The following RPH3A variants were observed in gnomAD, a reference collection of about 807,000 sequenced individuals.
RPH3A encodes rabphilin 3A.
Under a neutral mutation model 102.2 loss-of-function variants are expected in RPH3A, and 48 were observed. The ratio of observed to expected loss-of-function variants is 0.47; its 90% confidence interval spans 0.37 to 0.60. RPH3A has a LOEUF of 0.60. RPH3A is among the 20% of genes least tolerant of loss of function. The probability of loss-of-function intolerance (pLI) is 0.00; values close to 1 mark genes in which losing one functional copy is unlikely to be tolerated. For synonymous variants in RPH3A, 310 were observed against 324.3 expected, an observed-to-expected ratio of 0.96 and a Z score of 0.47; for missense variants, 781 against 910.1, an observed-to-expected ratio of 0.86 and a Z score of 1.83.
intron 1 of RPH3A, among the ~76,000 whole-genome samples, chr12:112,770,835 G>A (rs1047688862): frequency 1.3e-5 from 2 of 152,244 alleles, no homozygotes; most frequent in East Asian, 3.8e-4. Flanking sequence ...CAACGGTAGT[G>A]TGGTGGTATG....
intron 1 of RPH3A, among the ~76,000 whole-genome samples, chr12:112,687,722 G>A (rs542638327): frequency 5.9e-5 from 9 of 152,166 alleles, no homozygotes; most frequent in Admixed American, 3.9e-4. Context: ...AACATGTGGG[G>A]GTGTTCTTTG....
chr12:112,769,702 G>C (rs2040915001), intron 1 of RPH3A, among the ~76,000 whole-genome samples: 1 of 152,206 alleles, frequency 6.6e-6, no homozygotes, highest in Non-Finnish European at 1.5e-5. Context: ...CTAGACTTTA[G>C]ATTCTAAAAA....
chr12:112,611,638 G>T (rs183384526), intron 1 of RPH3A, among the ~76,000 whole-genome samples: 1 of 152,100 alleles, frequency 6.6e-6, no homozygotes. Flanking sequence ...TGGGAGGGGG[G>T]GTTCACCATG....
At chr12:112,658,099 G>A (rs1266145274) in intron 1 of RPH3A, among the ~76,000 whole-genome samples, 1 of 152,048 alleles carries the variant, frequency 6.6e-6, no homozygotes, top group Non-Finnish European at 1.5e-5. Context: ...TGTGAAGTAG[G>A]GCATCTCTGG....
chr12:112,657,255 T>C (rs2040019476), intron 1 of RPH3A, among the ~76,000 whole-genome samples: 1 of 152,334 alleles, frequency 6.6e-6, no homozygotes, highest in African/African-American at 2.4e-5. Flanking sequence ...GAGAAATGTC[T>C]GTTTATATTC....
chr12:112,655,563 C>CTTGTTT (rs2040005156), intron 1 of RPH3A, among the ~76,000 whole-genome samples: 1 of 55,570 alleles, frequency 1.8e-5, no homozygotes, highest in Non-Finnish European at 3.3e-5. Context: ...TTTTGTTGGT[C>CTTGTTT]TTTTTTTTTT....
chr12:112,688,801 C>T (rs1186147202), intron 1 of RPH3A, among the ~76,000 whole-genome samples: 1 of 152,168 alleles, frequency 6.6e-6, no homozygotes, highest in Non-Finnish European at 1.5e-5. Context: ...TTAAAATCAG[C>T]ACAACTCTTA....
intron 5 of RPH3A, among the ~76,000 whole-genome samples, chr12:112,849,470 G>A (rs910984044): frequency 4.0e-5 from 6 of 151,854 alleles, no homozygotes; most frequent in East Asian, 1.9e-4. Flanking sequence ...TTTATACAAC[G>A]ATGGGCCTCA....
At chr12:112,881,325 A>G (rs2042905436) in intron 14 of RPH3A, among the ~76,000 whole-genome samples, 1 of 152,332 alleles carries the variant, frequency 6.6e-6, no homozygotes, top group Admixed American at 6.5e-5. Context: ...GGTCAGGGCC[A>G]GAATGCAGGA....
chr12:112,713,023 CTCT>C lies in RPH3A; in HGVS notation c.-139-79095_-139-79093del, dbSNP rs59958503. On this transcript the variant is annotated intron_variant, in intron 1 of 21. Coordinates refer to the RPH3A transcript ENST00000543106. ...CCTCTTCCTCTTCCTCTTCCTCTTC[CTCT>C]TCTTCTTCTTCTTCTTCTTCTTCTC... Among the ~76,000 whole-genome samples, 24 of 52,794 alleles carry C rather than the reference CTCT, an allele frequency of 4.5e-4. 1 individual carries two copies. Among genetic ancestry groups the C allele is most frequent in the South Asian group, 1.0e-3 (1 of 1,004 alleles). 34.6% of individuals were successfully genotyped at this position (52,794 alleles called of 152,430 possible).
intron 1 of RPH3A, among the ~76,000 whole-genome samples, chr12:112,576,332 C>A (rs2039358876): frequency 6.6e-6 from 1 of 152,222 alleles, no homozygotes; most frequent in African/African-American, 2.4e-5. Context: ...AATTTCTTGT[C>A]TCAGCCTCCT....
chr12:112,829,333 G>T (rs2136154950), intron 3 of RPH3A, among the ~76,000 whole-genome samples: 1 of 150,894 alleles, frequency 6.6e-6, no homozygotes, highest in African/African-American at 2.5e-5. Context: ...AAGCGTACTG[G>T]TGCAATCATA....
At chr12:112,581,361 A>G (rs921134527) in intron 1 of RPH3A, among the ~76,000 whole-genome samples, 5 of 152,168 alleles carry the variant, frequency 3.3e-5, no homozygotes, top group African/African-American at 1.2e-4. Context: ...TGAGAAAAAC[A>G]TGGGAAAGAC....
chr12:112,678,289 GAAAGAA>G lies in RPH3A; in HGVS notation c.-140+102972_-140+102977del, dbSNP rs1402843325. 7.9e-4 allele frequency among the ~76,000 whole-genome samples: 67 copies of G among 84,692 alleles called. 3 individuals carry two copies. The highest frequency in any genetic ancestry group is 5.4e-3 in the Middle Eastern group (1 of 184). The allele number at this position is 84,692 out of a possible 152,430, so 55.6% of individuals were successfully genotyped here. ...AGAAAGAAAGAAAGAAAGAAAGAAA[GAAAGAA>G]AGAAAGAAAGAGAGAGAGAGAGAAA... On this transcript the variant is annotated intron_variant, in intron 1 of 21. Transcript: ENST00000543106.
rs560952269 is a variant in RPH3A, at chr12:112,844,801, C to G, written c.84-2895C>G. Among the ~76,000 whole-genome samples, 28 of 152,300 alleles carry G rather than the reference C, an allele frequency of 1.8e-4. No individual in the cohort carries two copies. In the South Asian group the frequency reaches 5.8e-3, roughly 32 times the overall value. ...AACCATTGATTATTCCTCACAATTT[C>G]TGTGAGTAGGAATAGGAGGGTGGCT... On this transcript the variant is annotated intron_variant, in intron 4 of 21. Transcript: ENST00000389385.
At chr12:112,820,364 AC>A (rs2041756249) in intron 2 of RPH3A, among the ~76,000 whole-genome samples, 1 of 152,180 alleles carries the variant, frequency 6.6e-6, no homozygotes, top group South Asian at 2.1e-4. Flanking sequence ...TCATTTTCAA[AC>A]CCCATTCTTC....
rs566232252 is a variant in RPH3A, at chr12:112,683,166, G to T, written c.-140+107847G>T. On this transcript the variant is annotated intron_variant, in intron 1 of 21. Transcript: ENST00000543106. ...ATAAATATTTGTTGACTTGGTGGTG[G>T]TGTAGGGGGTGGTTACGGGCCGAAC... 3.3e-5 allele frequency among the ~76,000 whole-genome samples: 5 copies of T among 152,300 alleles called. No homozygotes were observed. In the East Asian group the frequency reaches 9.6e-4, roughly 29 times the overall value.
intron 1 of RPH3A, among the ~76,000 whole-genome samples, chr12:112,597,884 T>C (rs1367712021): frequency 3.3e-5 from 5 of 152,154 alleles, no homozygotes; most frequent in Non-Finnish European, 5.9e-5. Context: ...CCTAGACCTA[T>C]AGGCAAGAGA....
chr12:112,881,952 C>A, intron 15 of RPH3A, 106 bp downstream of exon 15: 2 of 752,738 alleles, frequency 2.7e-6, no homozygotes, highest in Non-Finnish European at 4.4e-6. Context: ...CCCAAATCCC[C>A]AACCCCACCT....
Sources: allele counts gnomAD v4.1 joint callset (sites outside exome capture counted in the v4.1 genomes callset), GRCh38; gene constraint gnomAD v4.1.1; transcripts MANE v1.5; gene names NCBI Gene and HGNC (gene_info 2026-07-23, HGNC 2026-07-21).